Variants in MGRN1 observed in about 807,000 individuals in gnomAD.
MGRN1 encodes mahogunin ring finger 1, also known as E3 ubiquitin-protein ligase MGRN1.
Under a neutral mutation model 69.2 loss-of-function variants are expected in MGRN1, and 29 were observed. The ratio of observed to expected loss-of-function variants is 0.42; its 90% confidence interval spans 0.31 to 0.57. The LOEUF is 0.57. Among genes scored for constraint, MGRN1 ranks in the 20% least tolerant of loss-of-function variants. The probability of loss-of-function intolerance (pLI) is 0.15; values close to 1 mark genes in which losing one functional copy is unlikely to be tolerated. For synonymous variants in MGRN1, 470 were observed against 344.2 expected, an observed-to-expected ratio of 1.37 and a Z score of -4.04; for missense variants, 998 against 796.2, an observed-to-expected ratio of 1.25 and a Z score of -3.05.
chr16:4,684,020 C>T lies in MGRN1; in HGVS notation c.1618+88C>T, dbSNP rs541129930. On this transcript the variant is annotated intron_variant, in intron 16 of 16. Coordinates refer to ENST00000262370, the MANE Select transcript of MGRN1 (RefSeq NM_015246.4). Reference sequence around the variant, plus strand: ...CCCTGCTCTGATGGTCGGTGCATAGCAGCAGAGGCTGTCCATTGGAGCCTG... The same window carrying T: ...CCCTGCTCTGATGGTCGGTGCATAGTAGCAGAGGCTGTCCATTGGAGCCTG... The T allele has an allele frequency of 7.8e-6, 9 of 1,149,208 alleles. No homozygotes were observed. The East Asian group carries it at 2.3e-4, about 30-fold the overall frequency. The allele number at this position is 1,149,208 out of a possible 1,614,324, so 71.2% of individuals were successfully genotyped here. A position where few individuals can be genotyped will look rare whatever the true frequency, so the allele number is the denominator to read the frequency against.
chr16:4,664,045 A>G (rs1039672926), intron 5 of MGRN1: 1 of 152,650 alleles, frequency 6.6e-6, no homozygotes, highest in African/African-American at 2.4e-5. Flanking sequence ...ACCCGGGAGA[A>G]CTGAAAACGC....
chr16:4,664,591 T>G, intron 5 of MGRN1, 118 bp from the exon 6 acceptor site: 2 of 1,049,816 alleles, frequency 1.9e-6, no homozygotes, highest in Non-Finnish European at 3.0e-6. Flanking sequence ...GCGTGTCCTC[T>G]GAGCTCTGCT....
chr16:4,668,163 C>T, intron 7 of MGRN1, 102 bp from the exon 8 acceptor site: 1 of 737,552 alleles, frequency 1.4e-6, no homozygotes, highest in Non-Finnish European at 2.2e-6. Context: ...CAGCTGTGGG[C>T]ATGGATTGGC....
At chr16:4,659,558 C>T (rs1319098972) in intron 5 of MGRN1, among the ~76,000 whole-genome samples, 8 of 152,212 alleles carry the variant, frequency 5.3e-5, no homozygotes, top group East Asian at 3.9e-4. Context: ...ACCTCTGTCC[C>T]GGACTTGGCA....
intron 16 of MGRN1, chr16:4,687,697 A>C: frequency 1.0e-6 from 1 of 985,338 alleles, no homozygotes; most frequent in Non-Finnish European, 1.2e-6. Context: ...GGGTCTTGGC[A>C]CACAAGCTGC....
intron 4 of MGRN1, among the ~76,000 whole-genome samples, chr16:4,654,572 G>C (rs1161307198): frequency 6.6e-6 from 1 of 152,244 alleles, no homozygotes; most frequent in Non-Finnish European, 1.5e-5. Context: ...GGTCAGCTTT[G>C]CATCTGGGGA....
rs1328215883 is a variant in MGRN1, at chr16:4,673,565, C to T, written c.863C>T (p.Thr288Met). 4.3e-6 allele frequency: 7 copies of T among 1,613,842 alleles called. No individual in the cohort carries two copies. Among genetic ancestry groups the T allele is most frequent in the South Asian group, 1.1e-5 (1 of 91,076 alleles). Residue 288 changes from threonine to methionine, a missense_variant, in exon 10 of 17, where the codon ACG becomes ATG. Thr to Met is a moderately conservative substitution (Grantham distance 81, BLOSUM62 -1). Coordinates refer to ENST00000262370, the MANE Select transcript of MGRN1 (RefSeq NM_015246.4). ...CVVCLSDLRD[T>M]LILPCRHLCL... ...GTGTGCCTGTCCGACCTGCGGGACACGCTGATCCTGCCCTGCCGCCACCTG... is the reference window on the plus strand; with the variant it reads ...GTGTGCCTGTCCGACCTGCGGGACATGCTGATCCTGCCCTGCCGCCACCTG...
intron 1 of MGRN1, among the ~76,000 whole-genome samples, chr16:4,646,223 C>A (rs9924433): frequency 0.13 from 19,306 of 152,020 alleles, 2,950 homozygotes; most frequent in African/African-American, 0.37. Flanking sequence ...TTGTGCCCAG[C>A]AGTTTGAGAC....
rs368634774 is a variant in MGRN1 at position 4,671,385 on chromosome 16, C to G, written c.727-6C>G. ...AGGGCCCAGTGAGCCCCTCTCTGCTCTCCAGGTGGACCGGGTCAGCTACCT... is the reference window on the plus strand; with the variant it reads ...AGGGCCCAGTGAGCCCCTCTCTGCTGTCCAGGTGGACCGGGTCAGCTACCT... On this transcript the variant is annotated splice_region_variant and splice_polypyrimidine_tract_variant and intron_variant, in intron 8 of 16. Transcript: ENST00000262370. 6.2e-6 allele frequency: 10 copies of G among 1,613,966 alleles called. No homozygotes were observed. The African/African-American group carries it at 8.0e-5, about 13-fold the overall frequency.
chr16:4,654,156 G>C (rs545239298), intron 4 of MGRN1, among the ~76,000 whole-genome samples: 6 of 152,240 alleles, frequency 3.9e-5, no homozygotes, highest in African/African-American at 1.4e-4. Flanking sequence ...ACCTCCAGGA[G>C]CCAAGAGTCA....
intron 1 of MGRN1, 69 bp downstream of exon 1, chr16:4,625,117 C>A: frequency 7.3e-7 from 1 of 1,370,856 alleles, no homozygotes; most frequent in Non-Finnish European, 9.7e-7. Flanking sequence ...GGCGCGGGGG[C>A]GGGGACTCGG....
At position 4,683,209 on chromosome 16, in the gene MGRN1, C is replaced by T. The variant is rs2079228947; in HGVS notation, c.1483-15C>T. On this transcript the variant is annotated splice_polypyrimidine_tract_variant and intron_variant, in intron 14 of 16. Coordinates refer to ENST00000262370, the MANE Select transcript of MGRN1 (RefSeq NM_015246.4). ...GCTCTCTGAGCTCTAGGCTACTTTC[C>T]CCTTTGTTTCCTAGAGTTTCATAAC... is the stretch of plus-strand genomic sequence containing the variant. 1 of 1,613,448 alleles carries T rather than the reference C, an allele frequency of 6.2e-7. No homozygotes were observed. The highest frequency in any genetic ancestry group is 8.5e-7 in the Non-Finnish European group (1 of 1,179,896).
chr16:4,681,431 T>C, intron 12 of MGRN1, 119 bp from the exon 13 acceptor site: 1 of 955,730 alleles, frequency 1.0e-6, no homozygotes, highest in Non-Finnish European at 1.5e-6. Flanking sequence ...GGCCACCCTC[T>C]GAGGGTGGGG....
At chr16:4,641,265 T>A (rs928393491) in intron 1 of MGRN1, among the ~76,000 whole-genome samples, 1 of 152,176 alleles carries the variant, frequency 6.6e-6, no homozygotes, top group African/African-American at 2.4e-5. Context: ...GGTCCCTTCC[T>A]CCTGCCCCAT....
intron 1 of MGRN1, among the ~76,000 whole-genome samples, chr16:4,644,830 A>G (rs2078241039): frequency 6.6e-6 from 1 of 152,152 alleles, no homozygotes; most frequent in South Asian, 2.1e-4. Context: ...AAAGTGTACA[A>G]GTCAGTGATT....
At chr16:4,641,598 A>C (rs1451490715) in intron 1 of MGRN1, among the ~76,000 whole-genome samples, 1 of 149,898 alleles carries the variant, frequency 6.7e-6, no homozygotes, top group Non-Finnish European at 1.5e-5. Context: ...GGCTGACCGC[A>C]ACCTCTGCCT....
intron 1 of MGRN1, among the ~76,000 whole-genome samples, chr16:4,641,475 A>C (rs1340474898): frequency 2.1e-5 from 3 of 144,632 alleles, no homozygotes; most frequent in African/African-American, 7.5e-5. Flanking sequence ...CAGCCTCTTG[A>C]GTGGCTGGTA....
At chr16:4,642,118 G>A (rs1057431589) in intron 1 of MGRN1, among the ~76,000 whole-genome samples, 1 of 137,640 alleles carries the variant, frequency 7.3e-6, no homozygotes. Flanking sequence ...GTCAGCATAT[G>A]ACTTGGTTCC....
intron 2 of MGRN1, among the ~76,000 whole-genome samples, chr16:4,651,350 T>TG (rs2078402881): frequency 6.6e-6 from 1 of 151,928 alleles, no homozygotes; most frequent in Non-Finnish European, 1.5e-5. Flanking sequence ...TGCTACCTGG[T>TG]GGGGGCGTAG....
Sources: allele counts gnomAD v4.1 joint callset (sites outside exome capture counted in the v4.1 genomes callset), GRCh38; gene constraint gnomAD v4.1.1; transcripts MANE v1.5; gene names NCBI Gene and HGNC (gene_info 2026-07-23, HGNC 2026-07-21).